AUTS2: variants seen among roughly 807,000 people sequenced by gnomAD.
The protein encoded by AUTS2 is autism susceptibility gene 2 protein.
AUTS2 carries 17 observed loss-of-function variants against 112.4 expected under a neutral mutation model. The observed-to-expected ratio is 0.15, with a 90% CI of 0.10 to 0.23. AUTS2 has a LOEUF of 0.23. Among genes scored for constraint, AUTS2 ranks in the 10% least tolerant of loss-of-function variants. AUTS2 has a pLI of 1.00. For missense variants in AUTS2, 1,510 were observed against 1,701.6 expected, an observed-to-expected ratio of 0.89 and a Z score of 1.98; for synonymous variants, 751 against 702.7, an observed-to-expected ratio of 1.07 and a Z score of -1.09.
chr7:69,846,025 G>A (rs1246233449), intron 1 of AUTS2, among the ~76,000 whole-genome samples: 1 of 152,014 alleles, frequency 6.6e-6, no homozygotes, highest in East Asian at 1.9e-4. Flanking sequence ...GACAGGATGA[G>A]GATTCAGACT....
chr7:70,739,804 T>TAA (rs35729505), intron 6 of AUTS2, among the ~76,000 whole-genome samples: 8 of 139,598 alleles, frequency 5.7e-5, no homozygotes, highest in Non-Finnish European at 1.1e-4. Flanking sequence ...CTCTAATTGT[T>TAA]AAAAAAAAAA....
intron 1 of AUTS2, among the ~76,000 whole-genome samples, chr7:69,722,207 G>T (rs1798992302): frequency 6.6e-6 from 1 of 151,652 alleles, no homozygotes; most frequent in African/African-American, 2.4e-5. Context: ...AATATATTGT[G>T]TATAGGTGGT....
rs1039141349 is a variant in AUTS2 at position 70,790,398 on chromosome 7, T to C, written c.3182T>C (p.Phe1061Ser). The C allele has an allele frequency of 6.2e-7, 1 of 1,613,530 alleles. No individual in the cohort carries two copies. The highest frequency in any genetic ancestry group is 1.3e-5 in the African/African-American group (1 of 74,990). The change falls in exon 19 of 19, where the codon TTC becomes TCC. Residue 1061 changes from phenylalanine (F) to serine (S), a missense_variant. Coordinates refer to ENST00000342771, the MANE Select transcript of AUTS2 (RefSeq NM_015570.4). The surrounding 1 kb of genome is among the most constrained non-coding windows in gnomAD (Gnocchi z 7.6). Reference sequence around the variant, plus strand: ...AGCCCCCTCCCGGGCGGAGAGCGCTTCCCGTACCCTTCTTTCCACTGGGAC... The same window carrying C: ...AGCCCCCTCCCGGGCGGAGAGCGCTCCCCGTACCCTTCTTTCCACTGGGAC... ...GISPLPGGER[F>S]PYPSFHWDPI...
In AUTS2 at chr7:70,134,590, C is replaced by A; in HGVS notation, c.660+19C>A. On this transcript the variant is annotated intron_variant, in intron 4 of 18. Transcript: ENST00000342771. ...CTACTTCGTAAGTCTATCTCAACTT[C>A]CACATATGTGCCTTGCATTGGCATT... 2 of 1,611,636 alleles carry A rather than the reference C, an allele frequency of 1.2e-6. No individual in the cohort carries two copies.
intron 5 of AUTS2, among the ~76,000 whole-genome samples, chr7:70,609,550 A>T (rs1470542520): frequency 1.3e-5 from 2 of 150,040 alleles, no homozygotes; most frequent in Non-Finnish European, 1.5e-5. Context: ...GCCCACCACC[A>T]CGCCAAGCTA....
chr7:70,536,382 T>C (rs889963138), intron 5 of AUTS2, among the ~76,000 whole-genome samples: 3 of 151,958 alleles, frequency 2.0e-5, no homozygotes, highest in African/African-American at 7.3e-5. Flanking sequence ...CTTTGCCCTG[T>C]TTTAGACCTT....
chr7:69,980,800 C>T (rs993087365), intron 2 of AUTS2, among the ~76,000 whole-genome samples: 7 of 152,000 alleles, frequency 4.6e-5, no homozygotes, highest in Non-Finnish European at 5.9e-5. Context: ...GAAGCCTTGG[C>T]GTCAATTTTT....
At chr7:70,370,177 A>G (rs1585067827) in intron 4 of AUTS2, among the ~76,000 whole-genome samples, 1 of 152,344 alleles carries the variant, frequency 6.6e-6, no homozygotes, top group East Asian at 1.9e-4. Flanking sequence ...TATAGTTCAC[A>G]TACCACACAA....
At chr7:70,585,331 C>T (rs919136217) in intron 5 of AUTS2, among the ~76,000 whole-genome samples, 2 of 152,146 alleles carry the variant, frequency 1.3e-5, no homozygotes, top group African/African-American at 2.4e-5. Flanking sequence ...TGTTTTCTTG[C>T]GCTCAGAGCA....
At chr7:70,722,275 A>C (rs1204806914) in intron 6 of AUTS2, among the ~76,000 whole-genome samples, 2 of 149,730 alleles carry the variant, frequency 1.3e-5, no homozygotes, top group Non-Finnish European at 3.0e-5. Context: ...AATTAAAAAA[A>C]AATTCCATTT....
At chr7:69,937,819 T>C (rs1233095409) in intron 2 of AUTS2, among the ~76,000 whole-genome samples, 4 of 152,226 alleles carry the variant, frequency 2.6e-5, no homozygotes, top group East Asian at 1.9e-4. Context: ...GTTTCTGTGC[T>C]CTTTCCATGT....
At chr7:70,410,611 A>G (rs1454268740) in intron 4 of AUTS2, among the ~76,000 whole-genome samples, 5 of 151,204 alleles carry the variant, frequency 3.3e-5, no homozygotes, top group African/African-American at 1.2e-4. Flanking sequence ...CTTTGTAGAG[A>G]CGGGTTTCGC....
At chr7:70,383,804 A>G (rs762998303) in intron 4 of AUTS2, among the ~76,000 whole-genome samples, 12 of 152,218 alleles carry the variant, frequency 7.9e-5, no homozygotes, top group Non-Finnish European at 1.3e-4. Flanking sequence ...TAGGAGACTT[A>G]CTGTTTGCTG....
At chr7:70,614,038 G>C (rs1341979890) in intron 5 of AUTS2, among the ~76,000 whole-genome samples, 1 of 152,208 alleles carries the variant, frequency 6.6e-6, no homozygotes, top group African/African-American at 2.4e-5. Context: ...AGCCAGGGCT[G>C]TGAAGCCAGG....
Position 70,768,066 on chromosome 7 carries a change from A to G in AUTS2, c.1732A>G (p.Ser578Gly), listed in dbSNP as rs1471741812. 1 of 1,602,710 alleles carries G rather than the reference A, an allele frequency of 6.2e-7. No individual in the cohort carries two copies. Among genetic ancestry groups the G allele is most frequent in the African/African-American group, 1.3e-5 (1 of 74,210 alleles). The change falls in exon 10 of 19, where the codon AGT becomes GGT. Residue 578 changes from serine (S) to glycine (G), a missense_variant and splice_region_variant. Transcript: ENST00000342771. ...PTKVDPFYRH[S>G]LFHSYPPAVS... ...AAAAGTTGACCCATTCTACCGGCAC[A>G]GTGTGAGTTTCATTACCATGCTACA...
chr7:70,652,351 T>TC, intron 5 of AUTS2, among the ~76,000 whole-genome samples: 1 of 150,404 alleles, frequency 6.6e-6, no homozygotes, highest in South Asian at 2.2e-4. Context: ...CTTCTGCCAT[T>TC]TTTTTTTTAG....
At chr7:70,732,753 G>T (rs1013287513) in intron 6 of AUTS2, among the ~76,000 whole-genome samples, 2 of 152,118 alleles carry the variant, frequency 1.3e-5, no homozygotes, top group East Asian at 1.9e-4. Context: ...TCTGCTTTAG[G>T]ATAAGAAAAA....
chr7:70,164,166 G>A (rs1212353576), intron 4 of AUTS2, among the ~76,000 whole-genome samples: 1 of 152,092 alleles, frequency 6.6e-6, no homozygotes, highest in Non-Finnish European at 1.5e-5. Context: ...AGTTATGCAG[G>A]TAGAATTCTC....
intron 5 of AUTS2, among the ~76,000 whole-genome samples, chr7:70,500,186 A>C (rs1168792202): frequency 1.3e-5 from 2 of 151,750 alleles, no homozygotes; most frequent in African/African-American, 2.4e-5. Context: ...AAAAAAAAAA[A>C]ACAAAACAAA....
Sources: allele counts gnomAD v4.1 joint callset (sites outside exome capture counted in the v4.1 genomes callset), GRCh38; gene constraint gnomAD v4.1.1; non-coding constraint Gnocchi (gnomAD v3.1); transcripts MANE v1.5; gene names NCBI Gene and HGNC (gene_info 2026-07-23, HGNC 2026-07-21).